Variants in PTPRD observed in about 807,000 individuals in gnomAD.
The protein encoded by PTPRD is receptor-type tyrosine-protein phosphatase delta.
In PTPRD, 34 loss-of-function variants were observed where a neutral mutation model predicts 214.5. That is an observed-to-expected ratio of 0.16 (90% confidence interval 0.12 to 0.21). PTPRD has a LOEUF of 0.21. Ranked by LOEUF, PTPRD falls within the 10% of genes least tolerant of loss-of-function variation. PTPRD has a pLI of 1.00. For missense variants in PTPRD, 2,545 were observed against 2,398.7 expected (o/e 1.06, Z -1.27); for synonymous variants, 1,128 against 845.7 (o/e 1.33, Z -5.79).
chr9:8,373,830 A>ATGTG (rs2082293367), intron 39 of PTPRD, among the ~76,000 whole-genome samples: 1 of 112,844 alleles, frequency 8.9e-6, no homozygotes, highest in Non-Finnish European at 1.9e-5. Flanking sequence ...GTATGTATGT[A>ATGTG]TGTATGTATG....
intron 33 of PTPRD, among the ~76,000 whole-genome samples, chr9:8,456,929 G>C (rs1255358296): frequency 6.6e-6 from 1 of 152,126 alleles, no homozygotes; most frequent in Non-Finnish European, 1.5e-5. Flanking sequence ...AAGGTTAACA[G>C]TTTATTTTTA....
At chr9:8,559,925 A>G (rs1280362527) in intron 14 of PTPRD, among the ~76,000 whole-genome samples, 1 of 152,214 alleles carries the variant, frequency 6.6e-6, no homozygotes, top group Non-Finnish European at 1.5e-5. Context: ...AATAGTGTTT[A>G]TTGAAAACCT....
At chr9:9,292,165 T>A (rs557035905) in intron 9 of PTPRD, among the ~76,000 whole-genome samples, 1 of 133,250 alleles carries the variant, frequency 7.5e-6, no homozygotes, top group East Asian at 2.1e-4. Context: ...CCTTAGATAC[T>A]CTGTAATGAA....
chr9:9,220,154 T>C (rs2133307963), intron 9 of PTPRD, among the ~76,000 whole-genome samples: 1 of 152,048 alleles, frequency 6.6e-6, no homozygotes, highest in Non-Finnish European at 1.5e-5. Flanking sequence ...AATAAATCAT[T>C]GAAGGACTAC....
intron 2 of PTPRD, among the ~76,000 whole-genome samples, chr9:10,590,911 T>C (rs1161155191): frequency 1.3e-5 from 2 of 150,284 alleles, no homozygotes; most frequent in Admixed American, 1.3e-4. Flanking sequence ...AAAATATATA[T>C]AAATTATATA....
intron 9 of PTPRD, among the ~76,000 whole-genome samples, chr9:9,370,206 T>C (rs547118657): frequency 1.5e-3 from 233 of 152,260 alleles, no homozygotes; most frequent in African/African-American, 5.3e-3. Context: ...TTGGGCAGTA[T>C]GGCCATTTTC....
chr9:10,268,420 T>C (rs1381791734), intron 3 of PTPRD, among the ~76,000 whole-genome samples: 1 of 152,038 alleles, frequency 6.6e-6, no homozygotes, highest in East Asian at 1.9e-4. Flanking sequence ...CTAATAGTTT[T>C]CTTAGGGATT....
chr9:10,324,228 T>A (rs909125765), intron 3 of PTPRD, among the ~76,000 whole-genome samples: 1 of 152,008 alleles, frequency 6.6e-6, no homozygotes, highest in East Asian at 1.9e-4. Context: ...CTTATAAGAA[T>A]AAATTCCAAT....
At chr9:8,448,923 C>A (rs1300409000) in intron 34 of PTPRD, among the ~76,000 whole-genome samples, 1 of 152,172 alleles carries the variant, frequency 6.6e-6, no homozygotes, top group Non-Finnish European at 1.5e-5. Flanking sequence ...TCACTTTGTT[C>A]ATTATCATAA....
rs1416875031 is a variant in PTPRD at position 8,485,234 on chromosome 9, G to C, written c.3146C>G (p.Pro1049Arg). Residue 1049 changes from proline to arginine, a missense_variant, in exon 29 of 46, where the codon CCT becomes CGT. Coordinates refer to ENST00000381196, the MANE Select transcript of PTPRD (RefSeq NM_002839.4). ...EIPENYNSAM[P>R]FKILYDDGKM... ...AATTAGAAAACAACTTACTTTGAAAGGCATGGCGGAGTTATAATTCTCTGG... is the reference window on the plus strand; with the variant it reads ...AATTAGAAAACAACTTACTTTGAAACGCATGGCGGAGTTATAATTCTCTGG... The C allele has an allele frequency of 1.2e-6, 2 of 1,612,960 alleles. No homozygotes were observed. Among genetic ancestry groups the C allele is most frequent in the Non-Finnish European group, 1.7e-6 (2 of 1,179,176 alleles).
chr9:8,317,812 C>T lies in PTPRD; in HGVS notation c.*62G>A, dbSNP rs1034736185. The stretch of plus-strand genomic sequence containing the variant: ...GACTTCTCAAGTGCCCTGTATGGCT[C>T]AGAAGAGACTCCATGGATATTGAAG... On this transcript the variant is annotated 3_prime_UTR_variant, in exon 46 of 46. Coordinates refer to ENST00000381196, the MANE Select transcript of PTPRD (RefSeq NM_002839.4). 7.1e-5 allele frequency: 106 copies of T among 1,500,140 alleles called. No homozygotes were observed. In the Admixed American group the frequency reaches 8.1e-4, roughly 11 times the overall value. The allele number at this position is 1,500,140 out of a possible 1,614,324, so 92.9% of individuals were successfully genotyped here.
At chr9:10,486,742 A>C (rs1224232090) in intron 2 of PTPRD, among the ~76,000 whole-genome samples, 3 of 152,200 alleles carry the variant, frequency 2.0e-5, no homozygotes, top group African/African-American at 4.8e-5. Context: ...ATACTTGAGA[A>C]TGATTCATGT....
chr9:9,690,569 T>A (rs933898583), intron 7 of PTPRD, among the ~76,000 whole-genome samples: 1 of 151,964 alleles, frequency 6.6e-6, no homozygotes, highest in African/African-American at 2.4e-5. Context: ...CCTATAGCAT[T>A]TCCCCAAAGT....
intron 12 of PTPRD, among the ~76,000 whole-genome samples, chr9:8,649,139 A>G (rs1386246726): frequency 6.6e-6 from 1 of 152,192 alleles, no homozygotes; most frequent in African/African-American, 2.4e-5. Flanking sequence ...ATATCCTGCC[A>G]CTTCTTCTAT....
At chr9:9,101,484 T>G (rs986994583) in intron 10 of PTPRD, among the ~76,000 whole-genome samples, 1 of 152,192 alleles carries the variant, frequency 6.6e-6, no homozygotes, top group Non-Finnish European at 1.5e-5. Context: ...GAATATATTC[T>G]TGATGCATTA....
intron 2 of PTPRD, among the ~76,000 whole-genome samples, chr9:10,416,810 T>C (rs2098494694): frequency 6.6e-6 from 1 of 151,796 alleles, no homozygotes; most frequent in African/African-American, 2.4e-5. Context: ...AGTGGGTGAA[T>C]TCAGACTAGG....
chr9:9,979,442 G>C (rs1368945355), intron 4 of PTPRD, among the ~76,000 whole-genome samples: 1 of 151,806 alleles, frequency 6.6e-6, no homozygotes, highest in Non-Finnish European at 1.5e-5. Flanking sequence ...TGTAAGGAGG[G>C]GGAGAATGAG....
chr9:9,228,066 A>G (rs760283961), intron 9 of PTPRD, among the ~76,000 whole-genome samples: 37 of 152,308 alleles, frequency 2.4e-4, no homozygotes, highest in Non-Finnish European at 4.6e-4. Flanking sequence ...ATGTTAGCTG[A>G]AATTGCTGGG....
intron 35 of PTPRD, among the ~76,000 whole-genome samples, chr9:8,435,808 T>G (rs1340044837): frequency 6.6e-6 from 1 of 152,158 alleles, no homozygotes; most frequent in African/African-American, 2.4e-5. Flanking sequence ...ATTCTGGAAT[T>G]TTAAGATAGC....
Sources: allele counts gnomAD v4.1 joint callset (sites outside exome capture counted in the v4.1 genomes callset), GRCh38; gene constraint gnomAD v4.1.1; transcripts MANE v1.5; gene names NCBI Gene and HGNC (gene_info 2026-07-23, HGNC 2026-07-21).